NADK2: variants seen among roughly 807,000 people sequenced by gnomAD.
NADK2 encodes NAD kinase domain-containing protein 1, mitochondrial.
In NADK2, 35 loss-of-function variants were observed where a neutral mutation model predicts 62.1. The observed-to-expected ratio is 0.56, with a 90% CI of 0.43 to 0.75. The LOEUF is 0.75. Ranked by LOEUF, NADK2 falls within the 30% of genes least tolerant of loss-of-function variation. The probability of loss-of-function intolerance (pLI) is 0.00; values close to 1 mark genes in which losing one functional copy is unlikely to be tolerated. For synonymous variants in NADK2, 205 were observed against 207.9 expected (o/e 0.99, Z 0.12); for missense variants, 439 against 561.3 (o/e 0.78, Z 2.20).
chr5:36,241,227 C>G lies in NADK2; in HGVS notation c.300+272G>C. 1 of 447,336 alleles carries G rather than the reference C, an allele frequency of 2.2e-6. No homozygotes were observed. The highest frequency in any genetic ancestry group is 3.4e-6 in the Non-Finnish European group (1 of 290,402). The allele number at this position is 447,336 out of a possible 1,614,324, so 27.7% of individuals were successfully genotyped here. A position where few individuals can be genotyped will look rare whatever the true frequency, so the allele number is the denominator to read the frequency against. The stretch of plus-strand genomic sequence containing the variant: ...GGCCACTCGGCAGCCCCTCTTCGCC[C>G]TCCCCGCGGCGCCCCTGCCTCCTAA... On this transcript the variant is annotated intron_variant, in intron 1 of 11. Transcript: ENST00000381937. This position sits in a 1 kb window ranked among gnomAD's most constrained non-coding sequence, Gnocchi z 4.9.
At position 36,226,407 on chromosome 5, in the gene NADK2, G is replaced by C. The variant is rs566146721; in HGVS notation, c.478+68C>G. 49 of 1,229,294 alleles carry C rather than the reference G, an allele frequency of 4.0e-5. No individual in the cohort carries two copies. In the African/African-American group the frequency reaches 6.1e-4, roughly 15 times the overall value. The allele number at this position is 1,229,294 out of a possible 1,614,324, so 76.1% of individuals were successfully genotyped here. On this transcript the variant is annotated intron_variant, in intron 3 of 11. Transcript: ENST00000381937. ...AGGCTTCAATATAGCTAGACCCTAG[G>C]GTATCTGGAAATAATGTGTATTAAA...
chr5:36,195,158 G>A lies in NADK2; in HGVS notation c.1315C>T (p.Leu439Phe), dbSNP rs761301969. 1.9e-6 allele frequency: 3 copies of A among 1,609,834 alleles called. No homozygotes were observed. The highest frequency in any genetic ancestry group is 2.5e-6 in the Non-Finnish European group (3 of 1,178,576). The stretch of plus-strand genomic sequence containing the variant: ...GAGGAAATCCTTCACTGTTCAAGAA[G>A]CACAGTTCGAAGCTCATCTTCTTTA... The part of the protein sequence containing the change: ...INKEDELRTV[L>F]LEQ Residue 439 changes from leucine to phenylalanine, a missense_variant, in exon 12 of 12, where the codon CTT becomes TTT. Transcript: ENST00000381937.
Position 36,230,667 on chromosome 5 carries a change from A to T in NADK2, c.301-3102T>A, listed in dbSNP as rs1747674197. On this transcript the variant is annotated intron_variant, in intron 1 of 11. Coordinates refer to ENST00000381937, the MANE Select transcript of NADK2 (RefSeq NM_001085411.3). Reference sequence around the variant, plus strand: ...AGAAGATAACCCAGAAAGTGACAACAGTGTGCAAACCAACCCTTAGAACTG... The same window carrying T: ...AGAAGATAACCCAGAAAGTGACAACTGTGTGCAAACCAACCCTTAGAACTG... 2.0e-5 allele frequency among the ~76,000 whole-genome samples: 3 copies of T among 152,370 alleles called. No homozygotes were observed. The South Asian group carries it at 6.2e-4, about 32-fold the overall frequency.
intron 1 of NADK2, among the ~76,000 whole-genome samples, chr5:36,234,821 C>G (rs1419720405): frequency 6.6e-6 from 1 of 152,154 alleles, no homozygotes; most frequent in African/African-American, 2.4e-5. Context: ...TTAAAAAGAT[C>G]ACTGAAAATC....
intron 1 of NADK2, among the ~76,000 whole-genome samples, chr5:36,237,009 C>A (rs1331690554): frequency 5.9e-5 from 9 of 152,006 alleles, no homozygotes; most frequent in African/African-American, 2.2e-4. Flanking sequence ...ACCAGGTTGG[C>A]AAAGACCCAA....
At chr5:36,228,618 C>T (rs1182820929) in intron 1 of NADK2, among the ~76,000 whole-genome samples, 2 of 71,262 alleles carry the variant, frequency 2.8e-5, no homozygotes, top group African/African-American at 7.0e-5. Flanking sequence ...CCTGTCTAGA[C>T]ATGATTTTTT....
intron 1 of NADK2, among the ~76,000 whole-genome samples, chr5:36,234,150 G>A (rs895440030): frequency 3.3e-5 from 5 of 151,732 alleles, no homozygotes; most frequent in South Asian, 4.1e-4. Flanking sequence ...CGAGACGGGC[G>A]GATCACGAGG....
intron 10 of NADK2, among the ~76,000 whole-genome samples, chr5:36,199,128 C>T (rs1398780535): frequency 2.6e-5 from 4 of 151,718 alleles, no homozygotes; most frequent in African/African-American, 9.7e-5. Context: ...GTGCAGCACA[C>T]CAACATGGCA....
chr5:36,200,089 G>A (rs952640473), intron 10 of NADK2, 138 bp downstream of exon 10: 1 of 437,922 alleles, frequency 2.3e-6, no homozygotes, highest in Non-Finnish European at 3.9e-6. Context: ...GTTGCTTAAA[G>A]ACATTTAAGG....
chr5:36,208,325 G>C (rs1452739927), intron 7 of NADK2, among the ~76,000 whole-genome samples: 24 of 151,928 alleles, frequency 1.6e-4, no homozygotes, highest in Admixed American at 1.6e-3. Context: ...GCTTTGTTAT[G>C]TCTTCCTAGA....
In NADK2 at chr5:36,241,386, GCAT is replaced by G; in HGVS notation, c.300+110_300+112del. On this transcript the variant is annotated intron_variant, in intron 1 of 11. Coordinates refer to ENST00000381937, the MANE Select transcript of NADK2 (RefSeq NM_001085411.3). The surrounding 1 kb of genome is among the most constrained non-coding windows in gnomAD (Gnocchi z 4.9). Reference sequence around the variant, plus strand: ...GGGGGCCGCGAGAGAGGCAGGACCGGCATCTGCGGTGCCCTGGGAAGAGTCGTC... The same window carrying G: ...GGGGGCCGCGAGAGAGGCAGGACCGGCTGCGGTGCCCTGGGAAGAGTCGTC... The G allele has an allele frequency of 4.4e-6, 6 of 1,355,816 alleles. No homozygotes were observed. The South Asian group carries it at 9.8e-5, about 22-fold the overall frequency. 84.0% of individuals were successfully genotyped at this position (1,355,816 alleles called of 1,614,324 possible).
intron 6 of NADK2, among the ~76,000 whole-genome samples, 154 bp downstream of exon 6, chr5:36,217,594 C>T (rs1308381675): frequency 6.6e-6 from 1 of 152,122 alleles, no homozygotes; most frequent in African/African-American, 2.4e-5. Flanking sequence ...ACTTCAGATT[C>T]TAATAAACTT....
At chr5:36,208,767 T>C (rs1746735364) in intron 7 of NADK2, 2 of 926,986 alleles carry the variant, frequency 2.2e-6, no homozygotes, top group South Asian at 1.5e-5. Context: ...ACATTATAAA[T>C]GAGGCAGGAA....
At chr5:36,225,518 C>T in intron 4 of NADK2, 24 bp downstream of exon 4, 1 of 1,594,170 alleles carries the variant, frequency 6.3e-7, no homozygotes, top group Non-Finnish European at 8.6e-7. Flanking sequence ...ACAAATCAAA[C>T]AAAATGTATA....
intron 4 of NADK2, 76 bp from the exon 5 acceptor site, chr5:36,219,755 G>A: frequency 1.9e-6 from 2 of 1,026,244 alleles, no homozygotes; most frequent in South Asian, 1.4e-5. Context: ...TTAATCAAAA[G>A]GTATCACTAA....
At chr5:36,202,032 G>A (rs751359501) in intron 8 of NADK2, among the ~76,000 whole-genome samples, 1 of 151,948 alleles carries the variant, frequency 6.6e-6, no homozygotes, top group South Asian at 2.1e-4. Context: ...CAAGGAACAG[G>A]AATAACATAT....
intron 4 of NADK2, 97 bp from the exon 5 acceptor site, chr5:36,219,776 T>G (rs1747195616): frequency 1.1e-6 from 1 of 878,832 alleles, no homozygotes; most frequent in African/African-American, 1.7e-5. Flanking sequence ...GCTATAAAAA[T>G]AAGAAATGAA....
At chr5:36,216,084 A>T (rs1203418033) in intron 6 of NADK2, among the ~76,000 whole-genome samples, 2 of 152,096 alleles carry the variant, frequency 1.3e-5, no homozygotes, top group East Asian at 3.9e-4. Flanking sequence ...TTTTCTCTAC[A>T]TCCTTGCCAG....
At chr5:36,227,170 A>G (rs1747513887) in intron 2 of NADK2, among the ~76,000 whole-genome samples, 1 of 152,184 alleles carries the variant, frequency 6.6e-6, no homozygotes, top group African/African-American at 2.4e-5. Flanking sequence ...CATATAATCC[A>G]CTAGTCTGTT....
Sources: allele counts gnomAD v4.1 joint callset (sites outside exome capture counted in the v4.1 genomes callset), GRCh38; gene constraint gnomAD v4.1.1; non-coding constraint Gnocchi (gnomAD v3.1); transcripts MANE v1.5; gene names NCBI Gene and HGNC (gene_info 2026-07-23, HGNC 2026-07-21).